UGT1A8: variants seen among roughly 807,000 people sequenced by gnomAD.
The protein encoded by UGT1A8 is UDP-glucuronosyltransferase 1A8.
In UGT1A8, 39 loss-of-function variants were observed where a neutral mutation model predicts 45.3. The ratio of observed to expected loss-of-function variants is 0.86; its 90% confidence interval spans 0.67 to 1.12. UGT1A8 has a LOEUF of 1.12. UGT1A8 is among the 50% of genes most tolerant of loss of function. UGT1A8 has a pLI of 0.00. For missense variants in UGT1A8, 719 were observed against 664.9 expected, an observed-to-expected ratio of 1.08 and a Z score of -0.90; for synonymous variants, 275 against 249.2, an observed-to-expected ratio of 1.10 and a Z score of -0.97.
At chr2:233,743,847 G>A (rs771949487) in intron 1 of UGT1A8, 44 of 1,367,104 alleles carry the variant, frequency 3.2e-5, no homozygotes, top group Non-Finnish European at 4.2e-5. Flanking sequence ...GCCAGCTTGC[G>A]GTACGCCTTC....
At chr2:233,680,488 A>G (rs1200665522) in intron 1 of UGT1A8, among the ~76,000 whole-genome samples, 4 of 152,158 alleles carry the variant, frequency 2.6e-5, no homozygotes, top group African/African-American at 7.2e-5. Context: ...CCTGGAAGGA[A>G]CCATCTTGTG....
At chr2:233,618,654 T>G (rs1383466685) in intron 1 of UGT1A8, 92 bp downstream of exon 1, 1 of 1,516,346 alleles carries the variant, frequency 6.6e-7, no homozygotes, top group African/African-American at 1.4e-5. Context: ...ACATTTTCAT[T>G]TGTTGCATTT....
chr2:233,693,546 C>T, intron 1 of UGT1A8: 1 of 1,614,192 alleles, frequency 6.2e-7, no homozygotes, highest in Non-Finnish European at 8.5e-7. Context: ...CTGGAGCATA[C>T]ATTCAGCAGA....
chr2:233,747,618 G>T (rs1433302665), intron 1 of UGT1A8: 1 of 1,574,996 alleles, frequency 6.3e-7, no homozygotes, highest in African/African-American at 1.4e-5. Context: ...GCATAATGAG[G>T]CCCTGATCAG....
chr2:233,654,530 C>A (rs1473661760), intron 1 of UGT1A8, among the ~76,000 whole-genome samples: 1 of 152,160 alleles, frequency 6.6e-6, no homozygotes, highest in Non-Finnish European at 1.5e-5. Flanking sequence ...ACGTTTTCTG[C>A]AGTTGATTAT....
Position 233,772,730 on chromosome 2 carries a change from C to A in UGT1A8, c.*171C>A. Reference sequence around the variant, plus strand: ...CTCTTAAATAAAAATAATAGACTCGCTAGTCAGTAAAGATATTTGAATATG... The same window carrying A: ...CTCTTAAATAAAAATAATAGACTCGATAGTCAGTAAAGATATTTGAATATG... On this transcript the variant is annotated 3_prime_UTR_variant, in exon 5 of 5. Transcript: ENST00000373450. 1 of 1,445,162 alleles carries A rather than the reference C, an allele frequency of 6.9e-7. No homozygotes were observed. The highest frequency in any genetic ancestry group is 9.1e-7 in the Non-Finnish European group (1 of 1,100,576). The allele number at this position is 1,445,162 out of a possible 1,614,324, so 89.5% of individuals were successfully genotyped here.
chr2:233,646,814 G>T (rs1042842176), intron 1 of UGT1A8, among the ~76,000 whole-genome samples: 2 of 151,908 alleles, frequency 1.3e-5, no homozygotes, highest in African/African-American at 4.8e-5. Flanking sequence ...TCCAAACTTT[G>T]CCAACCTCTG....
intron 1 of UGT1A8, among the ~76,000 whole-genome samples, chr2:233,765,265 C>G (rs1223500650): frequency 6.6e-6 from 1 of 152,098 alleles, no homozygotes; most frequent in Non-Finnish European, 1.5e-5. Context: ...GGTATATACC[C>G]AAAGAAATAT....
chr2:233,651,898 G>A (rs2073751413), intron 1 of UGT1A8, among the ~76,000 whole-genome samples: 1 of 152,064 alleles, frequency 6.6e-6, no homozygotes, highest in Non-Finnish European at 1.5e-5. Context: ...AACTCATTGA[G>A]TCTATCCAGG....
intron 1 of UGT1A8, among the ~76,000 whole-genome samples, chr2:233,739,752 C>A (rs1309875267): frequency 1.3e-5 from 2 of 152,166 alleles, no homozygotes; most frequent in Non-Finnish European, 2.9e-5. Context: ...GGACTATGGA[C>A]TTTTGAGCTA....
intron 1 of UGT1A8, among the ~76,000 whole-genome samples, chr2:233,684,836 ATGGACACTGTATAG>A (rs1351698421): frequency 6.6e-6 from 1 of 152,246 alleles, no homozygotes; most frequent in Non-Finnish European, 1.5e-5. Flanking sequence ...AGAAAAATTT[ATGGACACTGTATAG>A]TGTTCCTTTC....
intron 1 of UGT1A8, among the ~76,000 whole-genome samples, chr2:233,757,560 A>ATATATATATATACATATATATATG (rs904896556): frequency 8.1e-6 from 1 of 123,146 alleles, no homozygotes; most frequent in African/African-American, 3.4e-5. Flanking sequence ...ATATATATAT[A>ATATATATATATACATATATATATG]TGTATATATG....
chr2:233,764,150 T>C (rs770421486), intron 1 of UGT1A8, among the ~76,000 whole-genome samples: 21 of 152,376 alleles, frequency 1.4e-4, no homozygotes, highest in Non-Finnish European at 2.4e-4. Flanking sequence ...TCATTTTGGC[T>C]GGTGAAGTCT....
At chr2:233,634,740 C>G (rs1174894707) in intron 1 of UGT1A8, among the ~76,000 whole-genome samples, 1 of 141,394 alleles carries the variant, frequency 7.1e-6, no homozygotes, top group Admixed American at 7.3e-5. Flanking sequence ...ACTGATGGGT[C>G]TTGACTGTTT....
chr2:233,637,515 G>C, intron 1 of UGT1A8: 1 of 1,464,734 alleles, frequency 6.8e-7, no homozygotes, highest in Non-Finnish European at 9.0e-7. Flanking sequence ...TATTTTGTGC[G>C]AATTCATGTA....
intron 1 of UGT1A8, chr2:233,743,704 C>T (rs773531190): frequency 8.8e-6 from 12 of 1,367,244 alleles, no homozygotes; most frequent in East Asian, 4.5e-5. Flanking sequence ...CCTCCGCCCC[C>T]GCCTCGCCAT....
chr2:233,764,521 T>A (rs2126010678), intron 1 of UGT1A8, among the ~76,000 whole-genome samples: 1 of 152,314 alleles, frequency 6.6e-6, no homozygotes, highest in African/African-American at 2.4e-5. Context: ...GTGAATCACA[T>A]CCTGCTGATT....
chr2:233,660,239 C>T (rs150572158), intron 1 of UGT1A8, among the ~76,000 whole-genome samples: 158 of 152,286 alleles, frequency 1.0e-3, no homozygotes, highest in Non-Finnish European at 1.7e-3. Flanking sequence ...ATGTTCGCCC[C>T]GCTGACATTC....
chr2:233,734,271 G>A (rs1203076441), intron 1 of UGT1A8, among the ~76,000 whole-genome samples: 2 of 152,098 alleles, frequency 1.3e-5, no homozygotes, highest in Admixed American at 1.3e-4. Context: ...ATGTGTCCAG[G>A]AATTTATCCA....
Sources: allele counts gnomAD v4.1 joint callset (sites outside exome capture counted in the v4.1 genomes callset), GRCh38; gene constraint gnomAD v4.1.1; transcripts MANE v1.5; gene names NCBI Gene and HGNC (gene_info 2026-07-23, HGNC 2026-07-21).